Variants in OCA2 observed in about 807,000 individuals in gnomAD.
OCA2 encodes the protein OCA2 melanosomal transmembrane protein.
A neutral mutation model predicts 100.2 loss-of-function variants in OCA2; 77 were observed. The ratio of observed to expected loss-of-function variants is 0.77; its 90% CI spans 0.64 to 0.93. The LOEUF (loss-of-function observed/expected upper bound fraction) is 0.93, where lower values mean the gene tolerates loss of function less well. OCA2 is among the 40% of genes least tolerant of loss of function. The pLI, the probability that OCA2 is intolerant of heterozygous loss-of-function variation, is 0.00. For missense variants in OCA2, 1,062 were observed against 1,089.1 expected, an observed-to-expected ratio of 0.98 and a Z score of 0.35; for synonymous variants, 432 against 439.2, an observed-to-expected ratio of 0.98 and a Z score of 0.21.
At chr15:27,989,403 G>T (rs534977342) in intron 11 of OCA2, among the ~76,000 whole-genome samples, 198 bp downstream of exon 11, 1 of 152,136 alleles carries the variant, frequency 6.6e-6, no homozygotes, top group Non-Finnish European at 1.5e-5. Context: ...CACGCCTTGG[G>T]CTGAAATTCT....
At position 27,845,030 on chromosome 15, in the gene OCA2, C is replaced by A; in HGVS notation, c.2361G>T (p.Ala787=). Residue 787 remains alanine (A), a synonymous_variant, in exon 23 of 24, where the codon GCG becomes GCT. Coordinates refer to ENST00000354638, the MANE Select transcript of OCA2 (RefSeq NM_000275.3). ...CLGGNGTLIG[A]SANVVCAGIA... Reference sequence around the variant, plus strand: ...TCCCTGCACACACGACGTTTGCCGACGCGCCAATCAGTGTCCCGTTACCTA... The same window carrying A: ...TCCCTGCACACACGACGTTTGCCGAAGCGCCAATCAGTGTCCCGTTACCTA... The A allele has an allele frequency of 6.2e-7, 1 of 1,613,816 alleles. No homozygotes were observed. The highest frequency in any genetic ancestry group is 1.3e-5 in the African/African-American group (1 of 74,974).
At chr15:27,935,525 G>C (rs2039421057) in intron 18 of OCA2, among the ~76,000 whole-genome samples, 1 of 152,176 alleles carries the variant, frequency 6.6e-6, no homozygotes, top group Non-Finnish European at 1.5e-5. Context: ...CATTTGCTGG[G>C]CATCTCTCAG....
At chr15:27,988,255 C>A (rs967579331) in intron 11 of OCA2, among the ~76,000 whole-genome samples, 11 of 151,946 alleles carry the variant, frequency 7.2e-5, no homozygotes, top group African/African-American at 2.4e-4. Flanking sequence ...ACAGAACCTG[C>A]CAGTGCTCGC....
chr15:27,908,339 T>C (rs2038256709), intron 19 of OCA2, among the ~76,000 whole-genome samples: 1 of 152,196 alleles, frequency 6.6e-6, no homozygotes, highest in Non-Finnish European at 1.5e-5. Context: ...CACCCATTCT[T>C]GCTTAAAACA....
intron 2 of OCA2, among the ~76,000 whole-genome samples, chr15:28,066,783 T>A (rs1176349846): frequency 6.6e-6 from 1 of 152,164 alleles, no homozygotes; most frequent in Non-Finnish European, 1.5e-5. Flanking sequence ...ATCTATTGCA[T>A]CTAAAGGTGG....
At chr15:27,955,374 G>T (rs1014254119) in intron 16 of OCA2, among the ~76,000 whole-genome samples, 159 bp from the exon 17 acceptor site, 1 of 152,012 alleles carries the variant, frequency 6.6e-6, no homozygotes, top group Non-Finnish European at 1.5e-5. Context: ...TCATTTGTTG[G>T]CTGGAAAAGG....
intron 23 of OCA2, among the ~76,000 whole-genome samples, chr15:27,771,485 G>C (rs1018284132): frequency 2.6e-5 from 4 of 152,314 alleles, no homozygotes; most frequent in Middle Eastern, 3.4e-3. Context: ...CGCCCAGCTG[G>C]GGGGTGCTCC....
chr15:28,030,846 T>C lies in OCA2; in HGVS notation c.326+1219A>G, dbSNP rs1195788821. On this transcript the variant is annotated intron_variant, in intron 3 of 23. Transcript: ENST00000354638. ...TATTTTGAGTCTTAAAAGAATGTGATTATGAAAAGAGTCACATAAAAGGCA... is the reference window on the plus strand; with the variant it reads ...TATTTTGAGTCTTAAAAGAATGTGACTATGAAAAGAGTCACATAAAAGGCA... 4.6e-5 allele frequency among the ~76,000 whole-genome samples: 7 copies of C among 152,220 alleles called. No homozygotes were observed. The East Asian group carries it at 1.2e-3, about 25-fold the overall frequency.
chr15:27,928,139 T>A (rs2039113311), intron 18 of OCA2, among the ~76,000 whole-genome samples: 1 of 152,154 alleles, frequency 6.6e-6, no homozygotes, highest in South Asian at 2.1e-4. Context: ...TCTTCTTTCA[T>A]AAAGTTTTTG....
chr15:27,908,930 C>T (rs1282525413), intron 19 of OCA2, among the ~76,000 whole-genome samples: 1 of 152,182 alleles, frequency 6.6e-6, no homozygotes, highest in Non-Finnish European at 1.5e-5. Context: ...GGGAATACTT[C>T]TGAAATTTGA....
chr15:28,039,595 C>T (rs549315498), intron 2 of OCA2, among the ~76,000 whole-genome samples: 2 of 152,284 alleles, frequency 1.3e-5, no homozygotes, highest in African/African-American at 4.8e-5. Flanking sequence ...AACTGTGTAG[C>T]TTTGAAATTC....
chr15:27,935,505 T>C (rs1029128845), intron 18 of OCA2, among the ~76,000 whole-genome samples: 1 of 152,172 alleles, frequency 6.6e-6, no homozygotes, highest in South Asian at 2.1e-4. Flanking sequence ...AGCAGCCTCC[T>C]CCGCACAGGC....
intron 23 of OCA2, among the ~76,000 whole-genome samples, chr15:27,796,354 CA>C (rs1292578604): frequency 1.3e-5 from 2 of 152,288 alleles, no homozygotes; most frequent in African/African-American, 4.8e-5. Flanking sequence ...GGGGCATGAG[CA>C]AGCCCCTGTC....
chr15:27,842,941 T>A (rs914532224), intron 23 of OCA2, among the ~76,000 whole-genome samples: 1 of 152,234 alleles, frequency 6.6e-6, no homozygotes, highest in Non-Finnish European at 1.5e-5. Context: ...GCACTTTACA[T>A]GTCCCAGGTG....
chr15:27,913,492 T>A (rs1362888430), intron 19 of OCA2, among the ~76,000 whole-genome samples: 3 of 152,126 alleles, frequency 2.0e-5, no homozygotes, highest in Admixed American at 2.0e-4. Flanking sequence ...TCATTCATGA[T>A]AAACTATTTC....
intron 1 of OCA2, among the ~76,000 whole-genome samples, chr15:28,085,929 C>A: frequency 6.6e-6 from 1 of 152,318 alleles, no homozygotes; most frequent in Middle Eastern, 3.4e-3. Flanking sequence ...AATATCTGTT[C>A]TACTGCAGCC....
intron 14 of OCA2, among the ~76,000 whole-genome samples, chr15:27,978,671 T>G (rs542565379): frequency 7.8e-4 from 118 of 151,306 alleles, no homozygotes; most frequent in South Asian, 6.7e-3. Context: ...TGTATATATA[T>G]AGAGAGAGAG....
the OCA2 span, among the ~76,000 whole-genome samples, chr15:27,730,732 AATATATATATATATATATAT>A: frequency 0.25 from 25,447 of 102,122 alleles, 3,424 homozygotes; most frequent in South Asian, 0.45. Flanking sequence ...AAAAAGACCA[AATATATATATATATATATAT>A]ATATATATAT....
At chr15:27,784,317 T>C (rs867873829) in intron 23 of OCA2, among the ~76,000 whole-genome samples, 2 of 152,084 alleles carry the variant, frequency 1.3e-5, no homozygotes, top group Non-Finnish European at 2.9e-5. Context: ...AGGGTAACCA[T>C]AGCAACAGCA....
Sources: gnomAD v4.1 joint callset for allele counts (sites outside exome capture counted in the v4.1 genomes callset) on GRCh38, gnomAD v4.1.1 for gene constraint, MANE v1.5 for transcripts, NCBI Gene and HGNC (gene_info 2026-07-23, HGNC 2026-07-21) for gene names.